Variants in SNX30 observed in about 807,000 individuals in gnomAD.
SNX30 encodes the protein sorting nexin family member 30, also known as sorting nexin-30.
Under a neutral mutation model 46.4 loss-of-function variants are expected in SNX30, and 24 were observed. The observed-to-expected ratio is 0.52, with a 90% CI of 0.37 to 0.73. SNX30 has a LOEUF of 0.73. Among genes scored for constraint, SNX30 ranks in the 30% least tolerant of loss-of-function variants. The pLI, the probability that SNX30 is intolerant of heterozygous loss-of-function variation, is 0.00. For synonymous variants in SNX30, 189 were observed against 211.5 expected, an observed-to-expected ratio of 0.89 and a Z score of 0.92; for missense variants, 533 against 555.7, an observed-to-expected ratio of 0.96 and a Z score of 0.41.
chr9:112,879,842 G>A (rs1440994616), downstream of SNX30: 2 of 1,605,692 alleles, frequency 1.2e-6, no homozygotes, highest in Non-Finnish European at 1.7e-6. Context: ...ACCATAGAGA[G>A]TTACAAGAGA....
intron 1 of SNX30, among the ~76,000 whole-genome samples, chr9:112,752,428 C>G (rs1005224736): frequency 2.0e-5 from 3 of 152,084 alleles, no homozygotes; most frequent in Non-Finnish European, 4.4e-5. Flanking sequence ...CCAGCCTGGG[C>G]AACATATCGA....
At chr9:112,882,270 C>G (rs1420403218), downstream of SNX30, among the ~76,000 whole-genome samples, 1 of 152,134 alleles carries the variant, frequency 6.6e-6, no homozygotes, top group Non-Finnish European at 1.5e-5. Flanking sequence ...CAATGCCTAG[C>G]TGATTTATTA....
At chr9:112,786,694 G>A (rs986130844) in intron 1 of SNX30, among the ~76,000 whole-genome samples, 16 of 151,408 alleles carry the variant, frequency 1.1e-4, no homozygotes, top group Admixed American at 7.9e-4. Flanking sequence ...TTTTGAGATG[G>A]GGTTCCACCA....
At chr9:112,784,270 C>G (rs560109568) in intron 1 of SNX30, among the ~76,000 whole-genome samples, 1 of 152,174 alleles carries the variant, frequency 6.6e-6, no homozygotes, top group Non-Finnish European at 1.5e-5. Flanking sequence ...ACTGCTCCCT[C>G]TCACGTCTCC....
chr9:112,784,574 C>T (rs891176346), intron 1 of SNX30, among the ~76,000 whole-genome samples: 5 of 152,242 alleles, frequency 3.3e-5, no homozygotes, highest in East Asian at 1.9e-4. Context: ...TGTGGTGTTC[C>T]GTGCCAGGAA....
At chr9:112,833,618 ATAC>A (rs1180304571) in intron 4 of SNX30, among the ~76,000 whole-genome samples, 2 of 152,164 alleles carry the variant, frequency 1.3e-5, no homozygotes, top group Non-Finnish European at 2.9e-5. Flanking sequence ...AATCAGATGG[ATAC>A]TGCTGAATAA....
chr9:112,773,473 T>A (rs2131367093), intron 1 of SNX30, among the ~76,000 whole-genome samples: 1 of 152,234 alleles, frequency 6.6e-6, no homozygotes, highest in African/African-American at 2.4e-5. Flanking sequence ...CACTGCAGCT[T>A]TGAACTCCTG....
chr9:112,845,185 C>T (rs1197682890), intron 6 of SNX30, among the ~76,000 whole-genome samples: 2 of 152,106 alleles, frequency 1.3e-5, no homozygotes, highest in African/African-American at 4.8e-5. Context: ...GACACTAAAA[C>T]GATTTTGAAA....
At chr9:112,836,595 C>T (rs1000103008) in intron 5 of SNX30, among the ~76,000 whole-genome samples, 186 bp downstream of exon 5, 2 of 152,240 alleles carry the variant, frequency 1.3e-5, no homozygotes, top group African/African-American at 4.8e-5. Flanking sequence ...TGCACCCCGT[C>T]CTTTGTCCTG....
chr9:112,841,790 A>G (rs1248671410), intron 6 of SNX30, among the ~76,000 whole-genome samples: 2 of 152,258 alleles, frequency 1.3e-5, no homozygotes, highest in African/African-American at 2.4e-5. Context: ...CTGCTCTGTA[A>G]GAATTTTTAA....
At chr9:112,820,953 A>G (rs1443936229) in intron 3 of SNX30, among the ~76,000 whole-genome samples, 1 of 151,978 alleles carries the variant, frequency 6.6e-6, no homozygotes, top group East Asian at 1.9e-4. Flanking sequence ...TGGTTGTTTC[A>G]CCTTTTGGCT....
At position 112,843,839 on chromosome 9, in the gene SNX30, T is replaced by G. The variant is rs1488815778; in HGVS notation, c.1014+5142T>G. On this transcript the variant is annotated intron_variant, in intron 6 of 8. Transcript: ENST00000374232. Reference sequence around the variant, plus strand: ...CATGTTGGTGAGGCTGGTCTCGAACTCCTGACCTCATGATCCACCCACGTT... The same window carrying G: ...CATGTTGGTGAGGCTGGTCTCGAACGCCTGACCTCATGATCCACCCACGTT... Among the ~76,000 whole-genome samples, 4 of 152,098 alleles carry G rather than the reference T, an allele frequency of 2.6e-5. No homozygotes were observed. The East Asian group carries it at 7.7e-4, about 29-fold the overall frequency.
intron 2 of SNX30, among the ~76,000 whole-genome samples, chr9:112,814,046 T>C (rs987537859): frequency 1.2e-4 from 19 of 152,162 alleles, no homozygotes; most frequent in Non-Finnish European, 2.5e-4. Flanking sequence ...TATAGGTGAA[T>C]ATTTTTATAA....
In SNX30 at chr9:112,750,851, A is replaced by C. The variant is rs1273247547; in HGVS notation, c.-151A>C. 8.3e-6 allele frequency: 5 copies of C among 603,080 alleles called. No homozygotes were observed. The highest frequency in any genetic ancestry group is 1.1e-5 in the Non-Finnish European group (5 of 473,662). The allele number at this position is 603,080 out of a possible 1,614,324, so 37.4% of individuals were successfully genotyped here. A position where few individuals can be genotyped will look rare whatever the true frequency, so the allele number is the denominator to read the frequency against. ...GAGCGTCTGAGCGCCGGCAGAGACC[A>C]GCCGGCGGGTGGCGGCGGCCCCCAG... On this transcript the variant is annotated 5_prime_UTR_variant, in exon 1 of 9. Transcript: ENST00000374232.
chr9:112,840,984 G>C (rs558726893), intron 6 of SNX30, among the ~76,000 whole-genome samples: 2 of 151,066 alleles, frequency 1.3e-5, no homozygotes, highest in Admixed American at 6.6e-5. Context: ...GGATGGTCTC[G>C]ATCTCCTGAC....
At chr9:112,834,307 A>T (rs1840714620) in intron 4 of SNX30, among the ~76,000 whole-genome samples, 1 of 152,176 alleles carries the variant, frequency 6.6e-6, no homozygotes, top group East Asian at 1.9e-4. Flanking sequence ...GAGAGCTTCC[A>T]GATCTCGGAC....
intron 7 of SNX30, among the ~76,000 whole-genome samples, chr9:112,854,659 A>C (rs1841091524): frequency 6.6e-6 from 1 of 152,228 alleles, no homozygotes; most frequent in African/African-American, 2.4e-5. Context: ...CAGTGGCAGC[A>C]GCAGAAATCC....
chr9:112,853,228 C>G (rs531814611), intron 7 of SNX30, among the ~76,000 whole-genome samples: 2 of 152,356 alleles, frequency 1.3e-5, no homozygotes, highest in Admixed American at 6.5e-5. Context: ...AGGATTGGAA[C>G]TGTAGTCACT....
intron 1 of SNX30, among the ~76,000 whole-genome samples, chr9:112,777,936 A>G (rs2153838): frequency 0.046 from 7,011 of 152,222 alleles, 255 homozygotes; most frequent in Non-Finnish European, 0.067. Context: ...ACACAAATGT[A>G]CTGTGATCTT....
Sources: gnomAD v4.1 joint callset for allele counts (sites outside exome capture counted in the v4.1 genomes callset) on GRCh38, gnomAD v4.1.1 for gene constraint, MANE v1.5 for transcripts, NCBI Gene and HGNC (gene_info 2026-07-23, HGNC 2026-07-21) for gene names.